Variants in TRAF3IP1 observed in about 807,000 individuals in gnomAD.
The protein encoded by TRAF3IP1 is TRAF3-interacting protein 1.
Under a neutral mutation model 89.9 loss-of-function variants are expected in TRAF3IP1, and 53 were observed. That is an observed-to-expected ratio of 0.59 (90% CI 0.47 to 0.74). The LOEUF is 0.74. Ranked by LOEUF, TRAF3IP1 falls within the 30% of genes least tolerant of loss-of-function variation. The probability of loss-of-function intolerance (pLI) is 0.00; values close to 1 mark genes in which losing one functional copy is unlikely to be tolerated. For synonymous variants in TRAF3IP1, 311 were observed against 322.1 expected (o/e 0.97, Z 0.37); for missense variants, 806 against 866.1 (o/e 0.93, Z 0.87).
chr2:238,348,203 G>C (rs1348595156), intron 10 of TRAF3IP1, among the ~76,000 whole-genome samples: 1 of 148,706 alleles, frequency 6.7e-6, no homozygotes, highest in Admixed American at 6.7e-5. Context: ...ATTTAAAAAT[G>C]CAAAAAAAAA....
At chr2:238,357,916 G>A (rs185301548) in intron 15 of TRAF3IP1, among the ~76,000 whole-genome samples, 127 of 152,312 alleles carry the variant, frequency 8.3e-4, no homozygotes, top group African/African-American at 3.0e-3. Context: ...GGCTTCAGAA[G>A]ATGAAAGGAA....
intron 5 of TRAF3IP1, among the ~76,000 whole-genome samples, chr2:238,332,317 A>T (rs1163387297): frequency 6.6e-6 from 1 of 152,330 alleles, no homozygotes; most frequent in East Asian, 1.9e-4. Context: ...TACGGTTTTC[A>T]TGCAGTTTAT....
chr2:238,381,824 A>G (rs1280870353), intron 15 of TRAF3IP1, among the ~76,000 whole-genome samples: 1 of 152,180 alleles, frequency 6.6e-6, no homozygotes, highest in Non-Finnish European at 1.5e-5. Context: ...AAATATGTTC[A>G]TCATGCTCTA....
At chr2:238,332,791 T>C in intron 5 of TRAF3IP1, 33 bp from the exon 6 acceptor site, 2 of 1,493,376 alleles carry the variant, frequency 1.3e-6, no homozygotes, top group Non-Finnish European at 9.3e-7. Context: ...ATTGGAATAA[T>C]TCTAAAGTTT....
chr2:238,321,243 T>C (rs914259348), intron 1 of TRAF3IP1, among the ~76,000 whole-genome samples: 2 of 152,220 alleles, frequency 1.3e-5, no homozygotes, highest in African/African-American at 4.8e-5. Context: ...TCTTCCATTA[T>C]TGCTGGCAGA....
intron 5 of TRAF3IP1, among the ~76,000 whole-genome samples, chr2:238,330,564 TG>T (rs1196102654): frequency 6.6e-6 from 1 of 152,208 alleles, no homozygotes; most frequent in African/African-American, 2.4e-5. Context: ...GGGCCTGAGC[TG>T]GTGCCATGGC....
At chr2:238,393,516 G>A (rs771193748) in intron 15 of TRAF3IP1, among the ~76,000 whole-genome samples, 27 of 152,160 alleles carry the variant, frequency 1.8e-4, no homozygotes, top group Non-Finnish European at 2.6e-4. Flanking sequence ...CTTTCGCAGA[G>A]CAAACATTTG....
chr2:238,324,981 G>T (rs1202885412), intron 1 of TRAF3IP1, among the ~76,000 whole-genome samples: 2 of 152,120 alleles, frequency 1.3e-5, no homozygotes, highest in Non-Finnish European at 2.9e-5. Context: ...TCCCCATCTA[G>T]GTATGATTCC....
chr2:238,322,421 G>C lies in TRAF3IP1; in HGVS notation c.123+1636G>C, dbSNP rs185437449. ...GGAGGAACATGGGCTGGGTGCTGTG[G>C]CTCACGCCTGTAATCCCAGCACTCT... is the stretch of plus-strand genomic sequence containing the variant. On this transcript the variant is annotated intron_variant, in intron 1 of 16. Transcript: ENST00000373327. Among the ~76,000 whole-genome samples the C allele has an allele frequency of 2.0e-5, 3 of 152,314 alleles. No homozygotes were observed. The East Asian group carries it at 5.8e-4, about 29-fold the overall frequency.
intron 15 of TRAF3IP1, among the ~76,000 whole-genome samples, chr2:238,397,102 A>G (rs1316472418): frequency 1.3e-5 from 2 of 152,166 alleles, no homozygotes; most frequent in Non-Finnish European, 2.9e-5. Context: ...CCATGTCACT[A>G]AGCTCTTGTA....
rs1040523116 is a variant in TRAF3IP1, at chr2:238,345,163, A to G, written c.1261+565A>G. Among the ~76,000 whole-genome samples the G allele has an allele frequency of 1.3e-5, 2 of 152,168 alleles. No individual in the cohort carries two copies. Among genetic ancestry groups the G allele is most frequent in the South Asian group, 2.1e-4 (1 of 4,828 alleles). ...CAAGGCTTGTGCAGGTGGCAGCGGC[A>G]GGGTGGGGTGTGGCCAGGGGAGGGC... On this transcript the variant is annotated intron_variant, in intron 9 of 16. Transcript: ENST00000373327. This position sits in a 1 kb window ranked among gnomAD's most constrained non-coding sequence, Gnocchi z 4.7.
At chr2:238,354,613 G>A (rs188808303) in intron 14 of TRAF3IP1, among the ~76,000 whole-genome samples, 126 of 152,120 alleles carry the variant, frequency 8.3e-4, no homozygotes, top group African/African-American at 3.0e-3. Context: ...TACTGGAAAC[G>A]CTGAAGGATT....
intron 15 of TRAF3IP1, among the ~76,000 whole-genome samples, chr2:238,394,255 A>G (rs1489452257): frequency 2.6e-5 from 4 of 152,190 alleles, no homozygotes; most frequent in Non-Finnish European, 4.4e-5. Flanking sequence ...TTTTCTGAAA[A>G]TGTTTTAGCT....
intron 15 of TRAF3IP1, among the ~76,000 whole-genome samples, chr2:238,359,160 A>G (rs1699553275): frequency 6.6e-6 from 1 of 151,458 alleles, no homozygotes; most frequent in Non-Finnish European, 1.5e-5. Context: ...GTGCTGTGCC[A>G]GGAAGTACAC....
chr2:238,364,649 T>C (rs947948037), intron 15 of TRAF3IP1, among the ~76,000 whole-genome samples: 1 of 152,148 alleles, frequency 6.6e-6, no homozygotes, highest in African/African-American at 2.4e-5. Context: ...TATCTAATTA[T>C]TAATAAATAT....
intron 15 of TRAF3IP1, among the ~76,000 whole-genome samples, chr2:238,393,963 C>T (rs1456402138): frequency 6.6e-6 from 1 of 152,200 alleles, no homozygotes; most frequent in African/African-American, 2.4e-5. Context: ...CTTTGGGAGG[C>T]CGAGATGGGA....
intron 15 of TRAF3IP1, among the ~76,000 whole-genome samples, chr2:238,382,701 C>T (rs2106366221): frequency 6.6e-6 from 1 of 152,226 alleles, no homozygotes; most frequent in Non-Finnish European, 1.5e-5. Context: ...ACCTCCTTTG[C>T]TGGCTCAGCA....
chr2:238,386,613 A>C lies in TRAF3IP1; in HGVS notation c.1690-10846A>C, dbSNP rs187423817. ...CAAGCGTGAGCCACTGAGCCCGGCCAAAATTTAACTCTTGAAGCAGATGCC... is the reference window on the plus strand; with the variant it reads ...CAAGCGTGAGCCACTGAGCCCGGCCCAAATTTAACTCTTGAAGCAGATGCC... On this transcript the variant is annotated intron_variant, in intron 15 of 16. Coordinates refer to ENST00000373327, the MANE Select transcript of TRAF3IP1 (RefSeq NM_015650.4). Among the ~76,000 whole-genome samples, 12 of 152,276 alleles carry C rather than the reference A, an allele frequency of 7.9e-5. No individual in the cohort carries two copies. The East Asian group carries it at 2.1e-3, about 27-fold the overall frequency.
At chr2:238,350,972 C>G (rs80249806) in intron 12 of TRAF3IP1, among the ~76,000 whole-genome samples, 1 of 151,810 alleles carries the variant, frequency 6.6e-6, no homozygotes, top group African/African-American at 2.4e-5. Flanking sequence ...GAGGAGCCCT[C>G]GGGGTGAAGG....
Sources: allele counts gnomAD v4.1 joint callset (sites outside exome capture counted in the v4.1 genomes callset), GRCh38; gene constraint gnomAD v4.1.1; non-coding constraint Gnocchi (gnomAD v3.1); transcripts MANE v1.5; gene names NCBI Gene and HGNC (gene_info 2026-07-23, HGNC 2026-07-21).